The following HSD17B3 variants were observed in gnomAD, a reference collection of about 807,000 sequenced individuals.
The protein encoded by HSD17B3 is hydroxysteroid 17-beta dehydrogenase 3.
In HSD17B3, 29 loss-of-function variants were observed where a neutral mutation model predicts 41.1. The observed-to-expected ratio is 0.71, with a 90% CI of 0.53 to 0.96. The LOEUF is 0.96. HSD17B3 is among the 40% of genes least tolerant of loss of function. The pLI is 0.00. For missense variants in HSD17B3, 323 were observed against 374.6 expected, an observed-to-expected ratio of 0.86 and a Z score of 1.14; for synonymous variants, 126 against 145.6, an observed-to-expected ratio of 0.87 and a Z score of 0.97.
intron 2 of HSD17B3, among the ~76,000 whole-genome samples, chr9:96,292,217 T>C (rs912356940): frequency 1.3e-5 from 2 of 151,536 alleles, no homozygotes; most frequent in Non-Finnish European, 2.9e-5. Context: ...AAAAATACAC[T>C]GAAAAAATTG....
intron 2 of HSD17B3, among the ~76,000 whole-genome samples, chr9:96,284,324 A>G (rs1826826069): frequency 1.3e-5 from 2 of 149,704 alleles, no homozygotes; most frequent in Admixed American, 1.3e-4. Context: ...TTTTCTTTTG[A>G]GCTATTTAAA....
chr9:96,284,495 T>G, intron 2 of HSD17B3, among the ~76,000 whole-genome samples: 1 of 152,206 alleles, frequency 6.6e-6, no homozygotes, highest in Non-Finnish European at 1.5e-5. Context: ...CTGTTTTCTT[T>G]TGCAAATTGA....
intron 5 of HSD17B3, 161 bp from the exon 6 acceptor site, chr9:96,249,947 T>C (rs1295563031): frequency 5.3e-6 from 8 of 1,521,950 alleles, no homozygotes; most frequent in South Asian, 1.2e-5. Flanking sequence ...CCAGCAAGCA[T>C]GTACTAGCAT....
chr9:96,292,744 T>C (rs1291377282), intron 2 of HSD17B3, among the ~76,000 whole-genome samples: 2 of 152,186 alleles, frequency 1.3e-5, no homozygotes, highest in African/African-American at 4.8e-5. Context: ...TCATTGTATT[T>C]AAACTTTTGA....
At chr9:96,270,009 C>T (rs1459622603) in intron 2 of HSD17B3, among the ~76,000 whole-genome samples, 1 of 151,646 alleles carries the variant, frequency 6.6e-6, no homozygotes. Context: ...TTAGGCATAC[C>T]TGCATATGCA....
chr9:96,293,141 ATTC>A (rs1239192262), intron 2 of HSD17B3, among the ~76,000 whole-genome samples: 2 of 152,222 alleles, frequency 1.3e-5, no homozygotes, highest in African/African-American at 4.8e-5. Flanking sequence ...AATACAAGAT[ATTC>A]TTCTTCTCTG....
At chr9:96,246,448 G>A (rs543371764) in intron 7 of HSD17B3, 108 bp downstream of exon 7, 36 of 968,304 alleles carry the variant, frequency 3.7e-5, no homozygotes, top group African/African-American at 1.3e-4. Context: ...AGCTGTTATC[G>A]TTTGTTAAAG....
At chr9:96,267,101 G>C (rs1826067562) in intron 2 of HSD17B3, among the ~76,000 whole-genome samples, 1 of 151,892 alleles carries the variant, frequency 6.6e-6, no homozygotes, top group African/African-American at 2.4e-5. Context: ...AAGACAGACT[G>C]CCAGACAAAC....
chr9:96,272,772 A>T (rs1420557265), intron 2 of HSD17B3, among the ~76,000 whole-genome samples: 2 of 152,202 alleles, frequency 1.3e-5, no homozygotes, highest in Admixed American at 1.3e-4. Flanking sequence ...GAAAGTTAAC[A>T]GCAGCTTTAT....
At chr9:96,265,309 G>A (rs1826012101) in intron 2 of HSD17B3, among the ~76,000 whole-genome samples, 3 of 152,206 alleles carry the variant, frequency 2.0e-5, no homozygotes, top group Non-Finnish European at 4.4e-5. Context: ...AATCCCTATT[G>A]CTTAAATGCT....
chr9:96,283,565 A>C (rs1826789964), intron 2 of HSD17B3, among the ~76,000 whole-genome samples: 1 of 152,200 alleles, frequency 6.6e-6, no homozygotes, highest in Non-Finnish European at 1.5e-5. Context: ...TTCCAAAATA[A>C]TGGGAAATTC....
intron 2 of HSD17B3, among the ~76,000 whole-genome samples, chr9:96,269,866 T>G (rs1328316871): frequency 1.4e-5 from 2 of 143,356 alleles, no homozygotes; most frequent in Non-Finnish European, 3.0e-5. Context: ...ATCGTGCCAC[T>G]GCACTCCAGC....
At chr9:96,284,258 T>A (rs1195307216) in intron 2 of HSD17B3, among the ~76,000 whole-genome samples, 1 of 150,438 alleles carries the variant, frequency 6.6e-6, no homozygotes, top group Non-Finnish European at 1.5e-5. Context: ...GTAATCTTTT[T>A]AAACTTTTTG....
intron 2 of HSD17B3, among the ~76,000 whole-genome samples, chr9:96,282,093 T>C (rs1325181586): frequency 6.6e-6 from 1 of 152,192 alleles, no homozygotes; most frequent in Admixed American, 6.5e-5. Flanking sequence ...TAAGCCCGCT[T>C]TTCAAGATGG....
At chr9:96,258,125 T>A (rs1825736550) in intron 2 of HSD17B3, among the ~76,000 whole-genome samples, 1 of 152,240 alleles carries the variant, frequency 6.6e-6, no homozygotes, top group Admixed American at 6.5e-5. Context: ...CTATTGATTA[T>A]TTGCCTGCCA....
chr9:96,251,084 T>G, intron 5 of HSD17B3: 1 of 299,044 alleles, frequency 3.3e-6, no homozygotes. Context: ...GCTGGTCTTC[T>G]CCCATATATG....
intron 2 of HSD17B3, among the ~76,000 whole-genome samples, chr9:96,261,580 T>G (rs551937614): frequency 2.6e-5 from 4 of 152,280 alleles, no homozygotes; most frequent in Admixed American, 2.6e-4. Flanking sequence ...AGGAGGCTGA[T>G]GCAGGGTGGG....
chr9:96,245,387 G>A lies in HSD17B3; in HGVS notation c.564C>T (p.Ala188=). The A allele has an allele frequency of 6.2e-7, 1 of 1,614,080 alleles. No homozygotes were observed. Among genetic ancestry groups the A allele is most frequent in the South Asian group, 1.1e-5 (1 of 91,070 alleles). ...GLILNISSGI[A]LFPWPLYSMY... ...TGGAGTAGAGAGGCCAAGGAAACAGGGCTATCCCAGAAGAAATGTTCAGGA... is the reference window on the plus strand; with the variant it reads ...TGGAGTAGAGAGGCCAAGGAAACAGAGCTATCCCAGAAGAAATGTTCAGGA... The change falls in exon 8 of 11, where the codon GCC becomes GCT. Residue 188 remains alanine, a synonymous_variant. Transcript: ENST00000375263.
chr9:96,249,552 G>A, intron 6 of HSD17B3, 199 bp downstream of exon 6: 1 of 618,084 alleles, frequency 1.6e-6, no homozygotes, highest in Non-Finnish European at 2.9e-6. Context: ...CAGATACAAG[G>A]GAGAGTTGAA....
Sources: allele counts gnomAD v4.1 joint callset (sites outside exome capture counted in the v4.1 genomes callset), GRCh38; gene constraint gnomAD v4.1.1; transcripts MANE v1.5; gene names NCBI Gene and HGNC (gene_info 2026-07-23, HGNC 2026-07-21).